Variants in POC1B observed in about 807,000 individuals in gnomAD.
POC1B encodes POC1 centriolar protein homolog B.
Under a neutral mutation model 60.6 loss-of-function variants are expected in POC1B, and 44 were observed. The ratio of observed to expected loss-of-function variants is 0.73; its 90% CI spans 0.57 to 0.93. The LOEUF (loss-of-function observed/expected upper bound fraction) is 0.93. Among genes scored for constraint, POC1B ranks in the 40% least tolerant of loss-of-function variants. The pLI, the probability that POC1B is intolerant of heterozygous loss-of-function variation, is 0.00. For missense variants in POC1B, 555 were observed against 572.3 expected, an observed-to-expected ratio of 0.97 and a Z score of 0.31; for synonymous variants, 180 against 198.9, an observed-to-expected ratio of 0.90 and a Z score of 0.80.
chr12:89,508,266 C>T (rs1869998710), intron 2 of POC1B, among the ~76,000 whole-genome samples: 1 of 152,136 alleles, frequency 6.6e-6, no homozygotes, highest in Admixed American at 6.5e-5. Context: ...CCTAGAGCTG[C>T]CTCATTCCCT....
intron 2 of POC1B, among the ~76,000 whole-genome samples, chr12:89,513,178 A>G (rs983404834): frequency 6.6e-6 from 1 of 152,034 alleles, no homozygotes; most frequent in African/African-American, 2.4e-5. Flanking sequence ...CAGCTTTTAT[A>G]AATTTAGTAA....
rs1425267405 is a variant in POC1B, at chr12:89,526,019, C to T, written c.-124G>A. On this transcript the variant is annotated 5_prime_UTR_variant, in exon 1 of 12. Coordinates refer to ENST00000313546, the MANE Select transcript of POC1B (RefSeq NM_172240.3). ...CGTCTGCCCAGAGCGGCAGCGCCTCCCGGTCACTACAACAACGGCGGCCCA... is the reference window on the plus strand; with the variant it reads ...CGTCTGCCCAGAGCGGCAGCGCCTCTCGGTCACTACAACAACGGCGGCCCA... 9 of 1,537,798 alleles carry T rather than the reference C, an allele frequency of 5.9e-6. No individual in the cohort carries two copies. The highest frequency in any genetic ancestry group is 1.4e-5 in the African/African-American group (1 of 73,066).
chr12:89,432,070 G>C (rs759351141), intron 10 of POC1B, among the ~76,000 whole-genome samples: 5 of 151,994 alleles, frequency 3.3e-5, no homozygotes, highest in African/African-American at 1.2e-4. Context: ...AGATAATCCA[G>C]GATAACCTCC....
At chr12:89,434,101 T>C (rs1193478682) in intron 10 of POC1B, among the ~76,000 whole-genome samples, 1 of 152,198 alleles carries the variant, frequency 6.6e-6, no homozygotes, top group Non-Finnish European at 1.5e-5. Flanking sequence ...GACTAGGATA[T>C]AATCAAAAAA....
chr12:89,491,234 C>A (rs1380576156), intron 4 of POC1B, among the ~76,000 whole-genome samples: 1 of 152,164 alleles, frequency 6.6e-6, no homozygotes, highest in African/African-American at 2.4e-5. Flanking sequence ...TTCTTCAAGC[C>A]TCACTCCCTC....
intron 2 of POC1B, among the ~76,000 whole-genome samples, chr12:89,517,983 T>G (rs941444075): frequency 2.0e-5 from 3 of 152,026 alleles, no homozygotes; most frequent in African/African-American, 7.2e-5. Context: ...TGGCCTGCAG[T>G]AGATATCACT....
chr12:89,418,979 G>T (rs546010103), downstream of POC1B, among the ~76,000 whole-genome samples: 1 of 152,282 alleles, frequency 6.6e-6, no homozygotes, highest in Non-Finnish European at 1.5e-5. Flanking sequence ...AATGAAGGTG[G>T]TAAGAAGTGG....
At chr12:89,456,839 T>C (rs1001446965) in intron 10 of POC1B, among the ~76,000 whole-genome samples, 7 of 152,112 alleles carry the variant, frequency 4.6e-5, no homozygotes, top group Non-Finnish European at 1.0e-4. Flanking sequence ...ATCAGTACAC[T>C]TCGATCTACA....
At chr12:89,402,399 G>A in the POC1B span, among the ~76,000 whole-genome samples, 7 of 151,650 alleles carry the variant, frequency 4.6e-5, no homozygotes, top group African/African-American at 1.5e-4. Flanking sequence ...TTAGGTTCAG[G>A]GGTACATGTG....
chr12:89,425,375 G>A lies in POC1B; in HGVS notation c.1118C>T (p.Thr373Ile), dbSNP rs758808269. Residue 373 changes from threonine (T) to isoleucine (I), a missense_variant, in exon 11 of 12, where the codon ACA becomes ATA. Transcript: ENST00000313546. Reference sequence around the variant, plus strand: ...TGGCAGAGTCCTACCACTGGTTTCTGTTGTCTTTAATGTCACAGAAAATGT... The same window carrying A: ...TGGCAGAGTCCTACCACTGGTTTCTATTGTCTTTAATGTCACAGAAAATGT... The part of the protein sequence containing the change: ...DILSFDSTTT[T>I]ETSGRTLPDK... 3.1e-6 allele frequency: 5 copies of A among 1,611,762 alleles called. No homozygotes were observed. The East Asian group carries it at 1.1e-4, about 36-fold the overall frequency.
At chr12:89,478,695 C>T (rs1157222153) in intron 4 of POC1B, among the ~76,000 whole-genome samples, 3 of 152,152 alleles carry the variant, frequency 2.0e-5, no homozygotes, top group Non-Finnish European at 4.4e-5. Flanking sequence ...GAACTGTATA[C>T]ATAAAAATGG....
intron 2 of POC1B, chr12:89,502,756 G>C: frequency 7.4e-7 from 1 of 1,350,378 alleles, no homozygotes; most frequent in South Asian, 1.3e-5. Context: ...AAAAGGGAAA[G>C]CAGCATGTTG....
At position 89,431,434 on chromosome 12, in the gene POC1B, TAC is replaced by T. The variant is rs370664797; in HGVS notation, c.1114-6057_1114-6056del. On this transcript the variant is annotated intron_variant, in intron 10 of 11. Transcript: ENST00000313546. ...TGATGTTCTGAGATTTTTAAATCACTACACACACACACACACACACACGCACA... is the reference window on the plus strand; with the variant it reads ...TGATGTTCTGAGATTTTTAAATCACTACACACACACACACACACACGCACA... Among the ~76,000 whole-genome samples, 881 of 149,316 alleles carry T rather than the reference TAC, an allele frequency of 5.9e-3. 21 individuals are homozygous for T. In the East Asian group the frequency reaches 0.077, roughly 13 times the overall value.
chr12:89,409,971 C>T, the POC1B span, among the ~76,000 whole-genome samples: 1 of 152,182 alleles, frequency 6.6e-6, no homozygotes. Flanking sequence ...CAGCATCATC[C>T]TAATACCAAA....
chr12:89,522,608 TA>T, intron 2 of POC1B: 1 of 478,858 alleles, frequency 2.1e-6, no homozygotes, highest in Non-Finnish European at 3.4e-6. Context: ...AACCAATAAG[TA>T]AGGCATTGTG....
intron 9 of POC1B, among the ~76,000 whole-genome samples, chr12:89,462,818 T>A (rs1882528432): frequency 6.6e-6 from 1 of 152,108 alleles, no homozygotes; most frequent in African/African-American, 2.4e-5. Context: ...TTCACCGAGA[T>A]TTTAGGAATA....
At position 89,491,821 on chromosome 12, in the gene POC1B, A is replaced by G. The variant is rs545361599; in HGVS notation, c.452+115T>C. 15 of 855,318 alleles carry G rather than the reference A, an allele frequency of 1.8e-5. No individual in the cohort carries two copies. The South Asian group carries it at 3.1e-4, about 18-fold the overall frequency. The allele number at this position is 855,318 out of a possible 1,614,324, so 53.0% of individuals were successfully genotyped here. On this transcript the variant is annotated intron_variant, in intron 4 of 11. Transcript: ENST00000313546. ...CCCGCACAAAGCAGTCACACAACAA[A>G]TATCTGTTGAATGAATGAATGAATA...
chr12:89,456,102 C>A (rs1487821391), intron 10 of POC1B, among the ~76,000 whole-genome samples: 3 of 152,070 alleles, frequency 2.0e-5, no homozygotes, highest in African/African-American at 4.8e-5. Context: ...CTCACTGCAA[C>A]CTCCACCTCC....
chr12:89,488,151 G>A lies in POC1B; in HGVS notation c.452+3785C>T, dbSNP rs533727998. The stretch of plus-strand genomic sequence containing the variant: ...TTTGATAAAAGACTTATATATAGAT[G>A]ATTCAATACAACGACAACGAATAAA... On this transcript the variant is annotated intron_variant, in intron 4 of 11. Coordinates refer to ENST00000313546, the MANE Select transcript of POC1B (RefSeq NM_172240.3). 3.7e-4 allele frequency among the ~76,000 whole-genome samples: 42 copies of A among 112,238 alleles called. No homozygotes were observed. The East Asian group carries it at 6.0e-3, about 16-fold the overall frequency. The allele number at this position is 112,238 out of a possible 152,430, so 73.6% of individuals were successfully genotyped here.
Sources: allele counts gnomAD v4.1 joint callset (sites outside exome capture counted in the v4.1 genomes callset), GRCh38; gene constraint gnomAD v4.1.1; transcripts MANE v1.5; gene names NCBI Gene and HGNC (gene_info 2026-07-23, HGNC 2026-07-21).